The following NRXN3 variants were observed in gnomAD, a reference collection of about 807,000 sequenced individuals.
The protein encoded by NRXN3 is neurexin 3.
A neutral mutation model predicts 137.6 loss-of-function variants in NRXN3; 32 were observed. The ratio of observed to expected loss-of-function variants is 0.23; its 90% CI spans 0.18 to 0.31. NRXN3 has a LOEUF of 0.31. NRXN3 is among the 10% of genes least tolerant of loss of function. NRXN3 has a pLI of 1.00. For missense variants in NRXN3, 1,574 were observed against 2,062.5 expected, an observed-to-expected ratio of 0.76 and a Z score of 4.59; for synonymous variants, 798 against 784.5, an observed-to-expected ratio of 1.02 and a Z score of -0.29.
At chr14:79,847,377 A>G (rs1182393071) in intron 20 of NRXN3, among the ~76,000 whole-genome samples, 1 of 152,172 alleles carries the variant, frequency 6.6e-6, no homozygotes, top group East Asian at 1.9e-4. Flanking sequence ...TTAAGCTCTG[A>G]AAAGGTCTTA....
In NRXN3 at chr14:79,493,374, T is replaced by A. The variant is rs188671622; in HGVS notation, c.3444+25972T>A. On this transcript the variant is annotated intron_variant, in intron 16 of 20. Coordinates refer to ENST00000335750, the MANE Select transcript of NRXN3 (RefSeq NM_001330195.2). ...ATACATTCAGAATCCATTTAGAGAT[T>A]TACAGAAGGGCTTTAGCCCAGAACA... Among the ~76,000 whole-genome samples the A allele has an allele frequency of 2.4e-4, 37 of 152,312 alleles. No individual in the cohort carries two copies. In the East Asian group the frequency reaches 2.5e-3, roughly 10 times the overall value.
rs573794240 is a variant in NRXN3 at position 79,218,799 on chromosome 14, G to A, written c.3262+230658G>A. ...GAGAGTGAGAAAAGTAAGATTGGAC[G>A]GGTAAACAGACGACTGATTAGGTAA... On this transcript the variant is annotated intron_variant, in intron 15 of 20. Coordinates refer to ENST00000335750, the MANE Select transcript of NRXN3 (RefSeq NM_001330195.2). 2.0e-4 allele frequency among the ~76,000 whole-genome samples: 31 copies of A among 152,260 alleles called. 1 individual carries two copies. In the South Asian group the frequency reaches 5.2e-3, roughly 25 times the overall value.
intron 11 of NRXN3, among the ~76,000 whole-genome samples, chr14:78,965,606 AGTGGAGAGTT>A (rs2099415982): frequency 1.3e-5 from 2 of 152,200 alleles, no homozygotes; most frequent in African/African-American, 4.8e-5. Context: ...ACGAGTACTA[AGTGGAGAGTT>A]ATTACGAGAA....
chr14:78,497,131 A>G (rs150211552), intron 4 of NRXN3, among the ~76,000 whole-genome samples: 15 of 152,256 alleles, frequency 9.9e-5, no homozygotes, highest in Non-Finnish European at 1.8e-4. Context: ...TCTAGATCAA[A>G]CTACTGTTTC....
chr14:78,523,050 G>A (rs2096308994), intron 4 of NRXN3, among the ~76,000 whole-genome samples: 1 of 152,038 alleles, frequency 6.6e-6, no homozygotes. Flanking sequence ...TTTATATGTG[G>A]CTGATACATT....
chr14:78,538,157 T>C (rs1330488047), intron 4 of NRXN3, among the ~76,000 whole-genome samples: 1 of 152,188 alleles, frequency 6.6e-6, no homozygotes, highest in Non-Finnish European at 1.5e-5. Context: ...GAAAGGGTCA[T>C]TGGTAGCTTA....
chr14:79,859,052 C>T (rs1478425846), intron 20 of NRXN3, among the ~76,000 whole-genome samples: 2 of 150,448 alleles, frequency 1.3e-5, no homozygotes, highest in Non-Finnish European at 2.9e-5. Context: ...CAAATCTGCA[C>T]AGATCATTTT....
At chr14:78,970,108 A>G (rs2099431696) in intron 14 of NRXN3, among the ~76,000 whole-genome samples, 1 of 152,202 alleles carries the variant, frequency 6.6e-6, no homozygotes, top group South Asian at 2.1e-4. Flanking sequence ...ATCACAATAT[A>G]AGAGCACATA....
chr14:79,192,962 G>A (rs1304359775), intron 15 of NRXN3, among the ~76,000 whole-genome samples: 1 of 151,572 alleles, frequency 6.6e-6, no homozygotes. Flanking sequence ...GTAGAGACAG[G>A]GTTTCACCAT....
At chr14:78,265,705 A>G (rs2071577939) in intron 2 of NRXN3, among the ~76,000 whole-genome samples, 1 of 152,178 alleles carries the variant, frequency 6.6e-6, no homozygotes, top group South Asian at 2.1e-4. Flanking sequence ...AAAAGCAATG[A>G]CCTGGGATGC....
In NRXN3 at chr14:79,500,995, C is replaced by A. The variant is rs1437262211; in HGVS notation, c.3444+33593C>A. Among the ~76,000 whole-genome samples, 10 of 152,076 alleles carry A rather than the reference C, an allele frequency of 6.6e-5. No individual in the cohort carries two copies. The South Asian group carries it at 2.1e-3, about 32-fold the overall frequency. ...AGAGATAGGGTTTCTACCAACACAA[C>A]ATTTCTCATACTTGCCTGATCATTA... On this transcript the variant is annotated intron_variant, in intron 16 of 20. Transcript: ENST00000335750.
intron 15 of NRXN3, among the ~76,000 whole-genome samples, chr14:79,234,339 T>A (rs868768081): frequency 8.3e-5 from 9 of 108,704 alleles, no homozygotes; most frequent in African/African-American, 2.5e-4. Context: ...TATATATATA[T>A]AATATTTATA....
intron 4 of NRXN3, among the ~76,000 whole-genome samples, chr14:78,484,378 TG>T: frequency 6.6e-6 from 1 of 152,180 alleles, no homozygotes; most frequent in Non-Finnish European, 1.5e-5. Flanking sequence ...TGTGCCCAGC[TG>T]GGGTTTTTAG....
intron 20 of NRXN3, among the ~76,000 whole-genome samples, chr14:79,808,598 C>G (rs754808524): frequency 2.0e-4 from 31 of 152,066 alleles, no homozygotes; most frequent in South Asian, 4.1e-4. Flanking sequence ...ATCATACTTA[C>G]TACTTTATCT....
intron 6 of NRXN3, among the ~76,000 whole-genome samples, chr14:78,670,075 T>C (rs796245047): frequency 2.6e-5 from 4 of 152,018 alleles, no homozygotes; most frequent in African/African-American, 4.8e-5. Context: ...GTGTTCTCAT[T>C]GTTCAACTCC....
chr14:78,609,081 C>T (rs1401335572), intron 4 of NRXN3, among the ~76,000 whole-genome samples: 4 of 151,944 alleles, frequency 2.6e-5, no homozygotes, highest in Admixed American at 6.6e-5. Flanking sequence ...GGCCAGGTCA[C>T]GAAGTAAATA....
intron 15 of NRXN3, among the ~76,000 whole-genome samples, chr14:79,343,764 G>T (rs1235785533): frequency 6.6e-6 from 1 of 152,136 alleles, no homozygotes; most frequent in Non-Finnish European, 1.5e-5. Flanking sequence ...CACTGAAGTT[G>T]GGTTGATATA....
chr14:79,266,663 C>T (rs2078508193), intron 15 of NRXN3, among the ~76,000 whole-genome samples: 1 of 152,096 alleles, frequency 6.6e-6, no homozygotes, highest in African/African-American at 2.4e-5. Context: ...CAACTAGTAA[C>T]AAGAATGGCG....
intron 14 of NRXN3, among the ~76,000 whole-genome samples, chr14:78,970,756 A>AC (rs751886935): frequency 1.2e-4 from 19 of 152,276 alleles, no homozygotes; most frequent in Non-Finnish European, 1.9e-4. Flanking sequence ...GTTTGGCATT[A>AC]CTCATCACAT....
Sources: gnomAD v4.1 joint callset for allele counts (sites outside exome capture counted in the v4.1 genomes callset) on GRCh38, gnomAD v4.1.1 for gene constraint, MANE v1.5 for transcripts, NCBI Gene and HGNC (gene_info 2026-07-23, HGNC 2026-07-21) for gene names.